Variants in G3BP1 observed in about 807,000 individuals in gnomAD.
G3BP1 encodes G3BP stress granule assembly factor 1.
Under a neutral mutation model 58.6 loss-of-function variants are expected in G3BP1, and 35 were observed. The ratio of observed to expected loss-of-function variants is 0.60; its 90% CI spans 0.46 to 0.79. The LOEUF is 0.79. Ranked by LOEUF, G3BP1 falls within the 30% of genes least tolerant of loss-of-function variation. G3BP1 has a pLI of 0.00. For synonymous variants in G3BP1, 191 were observed against 195.4 expected (o/e 0.98, Z 0.19); for missense variants, 523 against 580.8 (o/e 0.90, Z 1.02).
chr5:151,780,339 ATAT>A (rs879420442), intron 1 of G3BP1, among the ~76,000 whole-genome samples: 4 of 152,008 alleles, frequency 2.6e-5, no homozygotes, highest in South Asian at 2.1e-4. Flanking sequence ...TTATTATATG[ATAT>A]TATATTTTCT....
At chr5:151,774,139 C>T (rs1439895922) in intron 1 of G3BP1, among the ~76,000 whole-genome samples, 3 of 152,182 alleles carry the variant, frequency 2.0e-5, no homozygotes, top group Admixed American at 2.0e-4. Flanking sequence ...TACATCCCTA[C>T]CAAGTCATAC....
intron 1 of G3BP1, among the ~76,000 whole-genome samples, chr5:151,781,011 A>G (rs1256340745): frequency 2.0e-5 from 3 of 152,166 alleles, no homozygotes; most frequent in Non-Finnish European, 1.5e-5. Context: ...GATTTTTTTC[A>G]ATGAATATAT....
rs1762265798 is a variant in G3BP1 at position 151,772,008 on chromosome 5, G to A, written c.-78G>A. On this transcript the variant is annotated 5_prime_UTR_variant, in exon 1 of 12. Coordinates refer to ENST00000356245, the MANE Select transcript of G3BP1 (RefSeq NM_005754.3). ...ACTATCCTCGGTGCTGTGGTGCAGAGCTAGTTCCTCTCCAGCTCAGCCGCG... is the reference window on the plus strand; with the variant it reads ...ACTATCCTCGGTGCTGTGGTGCAGAACTAGTTCCTCTCCAGCTCAGCCGCG... The A allele has an allele frequency of 6.6e-6, 1 of 152,616 alleles. No homozygotes were observed. The highest frequency in any genetic ancestry group is 6.5e-5 in the Admixed American group (1 of 15,294). The allele number at this position is 152,616 out of a possible 1,614,324, so 9.5% of individuals were successfully genotyped here. A position where few individuals can be genotyped will look rare whatever the true frequency, so the allele number is the denominator to read the frequency against.
chr5:151,784,777 C>T (rs967706704), intron 1 of G3BP1, among the ~76,000 whole-genome samples: 8 of 151,972 alleles, frequency 5.3e-5, no homozygotes, highest in Non-Finnish European at 2.9e-5. Context: ...CCCTTGAGCT[C>T]TTTGGTGGAT....
chr5:151,789,635 A>G (rs1018683015), intron 2 of G3BP1, among the ~76,000 whole-genome samples: 2 of 152,358 alleles, frequency 1.3e-5, no homozygotes, highest in African/African-American at 2.4e-5. Flanking sequence ...TCTCAGATAC[A>G]TTAATAAAAG....
At chr5:151,787,718 G>C (rs1188108430) in intron 2 of G3BP1, 1 of 239,150 alleles carries the variant, frequency 4.2e-6, no homozygotes, top group East Asian at 1.3e-4. Flanking sequence ...GTTTCAAAAT[G>C]TGTATTTGCT....
At chr5:151,795,310 C>T (rs1423858734) in intron 5 of G3BP1, among the ~76,000 whole-genome samples, 169 bp from the exon 6 acceptor site, 1 of 152,160 alleles carries the variant, frequency 6.6e-6, no homozygotes, top group Admixed American at 6.5e-5. Flanking sequence ...GTCTGTTCTT[C>T]AAAGCCTTAG....
intron 2 of G3BP1, 151 bp from the exon 3 acceptor site, chr5:151,790,172 A>G: frequency 2.3e-6 from 1 of 428,262 alleles, no homozygotes; most frequent in Admixed American, 4.7e-5. Flanking sequence ...TCGAAGCTGC[A>G]ATGAGCTATG....
At chr5:151,777,901 A>AT (rs1314257975) in intron 1 of G3BP1, among the ~76,000 whole-genome samples, 1 of 147,856 alleles carries the variant, frequency 6.8e-6, no homozygotes, top group Non-Finnish European at 1.5e-5. Context: ...GTTTTTTAGA[A>AT]TTTTTTTGTA....
At chr5:151,776,952 T>G (rs1203176722) in intron 1 of G3BP1, among the ~76,000 whole-genome samples, 1 of 151,830 alleles carries the variant, frequency 6.6e-6, no homozygotes, top group African/African-American at 2.4e-5. Context: ...ATCTTATCTG[T>G]TTTTTAAAAG....
intron 1 of G3BP1, among the ~76,000 whole-genome samples, chr5:151,773,884 A>T (rs1201414592): frequency 1.3e-5 from 2 of 152,234 alleles, no homozygotes. Flanking sequence ...TAATTTTATT[A>T]CTGCTTGAGG....
chr5:151,798,275 G>A (rs1451824060), intron 7 of G3BP1, among the ~76,000 whole-genome samples: 2 of 152,148 alleles, frequency 1.3e-5, no homozygotes, highest in South Asian at 2.1e-4. Context: ...GCTTAGCCTG[G>A]GAAGTCAAGG....
At chr5:151,787,807 AT>A in intron 2 of G3BP1, 1 of 310,980 alleles carries the variant, frequency 3.2e-6, no homozygotes, top group Non-Finnish European at 6.5e-6. Flanking sequence ...ATAAAATAAA[AT>A]TTATGAATGT....
Position 151,795,473 on chromosome 5 carries a change from A to C in G3BP1, c.443-6A>C. The C allele has an allele frequency of 1.4e-6, 2 of 1,452,260 alleles. No individual in the cohort carries two copies. Among genetic ancestry groups the C allele is most frequent in the Non-Finnish European group, 9.6e-7 (1 of 1,038,568 alleles). The allele number at this position is 1,452,260 out of a possible 1,614,324, so 90.0% of individuals were successfully genotyped here. On this transcript the variant is annotated splice_region_variant and splice_polypyrimidine_tract_variant and intron_variant, in intron 5 of 11. Transcript: ENST00000356245. ...AAATTACTTTAAATATCTTTTTCTC[A>C]CTTAGAGTCTGAAGAAGAAGTAGAG...
At position 151,812,297 on chromosome 5, in the gene G3BP1, T is replaced by G. The variant is rs1374807535; in HGVS notation, c.*8206T>G. 6.6e-6 allele frequency: 1 copy of G among 152,244 alleles called. No homozygotes were observed. Among genetic ancestry groups the G allele is most frequent in the Non-Finnish European group, 1.5e-5 (1 of 68,030 alleles). 9.4% of individuals were successfully genotyped at this position (152,244 alleles called of 1,614,324 possible). On this transcript the variant is annotated 3_prime_UTR_variant, in exon 12 of 12. Transcript: ENST00000356245. ...TGAATAATGTACTAATGAACGATAG[T>G]GTTTCAGGAAACATGCCCTAGCTAT...
chr5:151,792,627 A>G (rs1016724276), intron 4 of G3BP1, among the ~76,000 whole-genome samples: 5 of 152,264 alleles, frequency 3.3e-5, no homozygotes, highest in Admixed American at 3.3e-4. Context: ...TTTTGAGAGA[A>G]GAGTCTCCCT....
chr5:151,776,857 G>T (rs1762379934), intron 1 of G3BP1, among the ~76,000 whole-genome samples: 1 of 148,180 alleles, frequency 6.7e-6, no homozygotes. Context: ...GTGAGCCACT[G>T]TGCTGGCCAC....
Position 151,811,143 on chromosome 5 carries a change from C to T in G3BP1, c.*7052C>T, listed in dbSNP as rs1561540510. On this transcript the variant is annotated 3_prime_UTR_variant, in exon 12 of 12. Coordinates refer to ENST00000356245, the MANE Select transcript of G3BP1 (RefSeq NM_005754.3). ...TCTTTCTTCCTCACCTATGTAATTT[C>T]AGTAGTCTCTCAGCTTCACTTAACC... The T allele has an allele frequency of 6.6e-6, 1 of 152,192 alleles. No homozygotes were observed. The highest frequency in any genetic ancestry group is 2.4e-5 in the African/African-American group (1 of 41,428). The allele number at this position is 152,192 out of a possible 1,614,324, so 9.4% of individuals were successfully genotyped here.
At chr5:151,800,439 AT>A in intron 10 of G3BP1, 93 bp downstream of exon 10, 1 of 879,122 alleles carries the variant, frequency 1.1e-6, no homozygotes, top group Non-Finnish European at 1.7e-6. Context: ...GTAATTATAA[AT>A]TTTCTAGTAG....
Sources: allele counts gnomAD v4.1 joint callset (sites outside exome capture counted in the v4.1 genomes callset), GRCh38; gene constraint gnomAD v4.1.1; transcripts MANE v1.5; gene names NCBI Gene and HGNC (gene_info 2026-07-23, HGNC 2026-07-21).